Variants in NCALD observed in about 807,000 individuals in gnomAD.
The protein encoded by NCALD is neurocalcin delta, also known as neurocalcin-delta.
NCALD carries 10 observed loss-of-function variants against 18.6 expected under a neutral mutation model. That is an observed-to-expected ratio of 0.54 (90% CI 0.33 to 0.91). NCALD has a LOEUF of 0.91. NCALD is among the 40% of genes least tolerant of loss of function. The pLI is 0.03. For synonymous variants in NCALD, 88 were observed against 87.4 expected, an observed-to-expected ratio of 1.01 and a Z score of -0.04; for missense variants, 184 against 247.6, an observed-to-expected ratio of 0.74 and a Z score of 1.72.
intron 1 of NCALD, among the ~76,000 whole-genome samples, chr8:102,110,110 T>G (rs1467671342): frequency 6.6e-6 from 1 of 152,216 alleles, no homozygotes; most frequent in African/African-American, 2.4e-5. Flanking sequence ...CACCCAGACC[T>G]TTAACACTGG....
intron 4 of NCALD, among the ~76,000 whole-genome samples, chr8:101,830,211 G>A (rs1814117107): frequency 6.6e-6 from 1 of 151,934 alleles, no homozygotes. Context: ...TTGATACTTG[G>A]GTGACATTCA....
chr8:102,026,419 C>T (rs923934886), intron 1 of NCALD, among the ~76,000 whole-genome samples: 2 of 152,148 alleles, frequency 1.3e-5, no homozygotes, highest in African/African-American at 4.8e-5. Context: ...TTGGCCAAAA[C>T]AAAGTGGTTA....
chr8:101,819,970 G>A (rs12544026), intron 4 of NCALD, among the ~76,000 whole-genome samples: 128,863 of 151,956 alleles, frequency 0.85, 55,128 homozygotes, highest in African/African-American at 0.96. Context: ...CTTCCTTTCA[G>A]TGTTTTGTTT....
At chr8:102,082,726 A>T (rs1457724138) in intron 1 of NCALD, among the ~76,000 whole-genome samples, 1 of 152,200 alleles carries the variant, frequency 6.6e-6, no homozygotes, top group Non-Finnish European at 1.5e-5. Context: ...ACAGGAGCGA[A>T]TTTTCAAGAC....
chr8:102,082,213 TGAGAAGC>T (rs1824563194), intron 1 of NCALD, among the ~76,000 whole-genome samples: 6 of 149,708 alleles, frequency 4.0e-5, no homozygotes, highest in Admixed American at 6.7e-5. Context: ...GGCAGTTATT[TGAGAAGC>T]TCTCTCTTTT....
rs368037855 is a variant in NCALD, at chr8:101,801,718, G to C, written c.-19-82070C>G. Among the ~76,000 whole-genome samples the C allele has an allele frequency of 2.2e-4, 28 of 125,532 alleles. No homozygotes were observed. In the East Asian group the frequency reaches 5.5e-3, roughly 25 times the overall value. The allele number at this position is 125,532 out of a possible 152,430, so 82.4% of individuals were successfully genotyped here. On this transcript the variant is annotated intron_variant, in intron 4 of 6. Coordinates refer to the NCALD transcript ENST00000311028. ...ATCTCCCTCTGTCGCCCAGGCTGGA[G>C]TGCAGTGGCACTATCTCGGCTCACT...
intron 2 of NCALD, among the ~76,000 whole-genome samples, chr8:101,921,015 ATTAG>A (rs976877837): frequency 6.6e-6 from 1 of 152,178 alleles, no homozygotes; most frequent in African/African-American, 2.4e-5. Context: ...GAACTGAATG[ATTAG>A]TTAGCCTGCG....
At chr8:101,936,118 G>A (rs947930438) in intron 2 of NCALD, among the ~76,000 whole-genome samples, 3 of 152,090 alleles carry the variant, frequency 2.0e-5, no homozygotes, top group Non-Finnish European at 2.9e-5. Flanking sequence ...GAGTGAGGAG[G>A]GGGTTGGTTT....
chr8:102,068,722 T>TA (rs144101505), intron 1 of NCALD, among the ~76,000 whole-genome samples: 9,251 of 152,296 alleles, frequency 0.061, 414 homozygotes, highest in Non-Finnish European at 0.092. Context: ...TTTCCTCTCT[T>TA]GGGTAACACT....
At position 101,953,222 on chromosome 8, in the gene NCALD, G is replaced by A. The variant is rs547488512; in HGVS notation, c.-156-37364C>T. 1.4e-3 allele frequency among the ~76,000 whole-genome samples: 217 copies of A among 152,292 alleles called. 2 individuals carry two copies. Among genetic ancestry groups the A allele is most frequent in the African/African-American group, 4.9e-3 (203 of 41,570 alleles). ...TCACCCATTTCATCTGTCACCAGAT[G>A]AAGACTAGCCGCTGCTGACGGTGGC... On this transcript the variant is annotated intron_variant, in intron 2 of 6. Transcript: ENST00000311028.
At chr8:102,014,126 C>T (rs1271640093) in intron 2 of NCALD, among the ~76,000 whole-genome samples, 1 of 152,210 alleles carries the variant, frequency 6.6e-6, no homozygotes, top group Non-Finnish European at 1.5e-5. Context: ...TCATGTGAGT[C>T]TCTGTCCATT....
rs182186102 is a variant in NCALD at position 101,920,377 on chromosome 8, T to G, written c.-156-4519A>C. Among the ~76,000 whole-genome samples, 11 of 152,316 alleles carry G rather than the reference T, an allele frequency of 7.2e-5. No homozygotes were observed. The East Asian group carries it at 2.1e-3, about 29-fold the overall frequency. ...TTTACCTAGCAATCCCATTACTGAG[T>G]ATATATTCAAAAGAAAATAAATCAT... On this transcript the variant is annotated intron_variant, in intron 2 of 6. Transcript: ENST00000311028.
chr8:101,869,558 T>C (rs1032568067), intron 4 of NCALD, among the ~76,000 whole-genome samples: 1 of 152,136 alleles, frequency 6.6e-6, no homozygotes, highest in African/African-American at 2.4e-5. Flanking sequence ...TACAGAAAAC[T>C]AATACAGCTT....
chr8:102,000,776 G>A (rs1821426194), intron 2 of NCALD, among the ~76,000 whole-genome samples: 2 of 152,194 alleles, frequency 1.3e-5, no homozygotes, highest in Admixed American at 1.3e-4. Context: ...GGTCTGGAGT[G>A]GACCTCCGGC....
intron 1 of NCALD, among the ~76,000 whole-genome samples, chr8:102,121,002 A>T (rs187272293): frequency 3.3e-4 from 51 of 152,310 alleles, no homozygotes; most frequent in Admixed American, 1.6e-3. Flanking sequence ...GACAGACATC[A>T]CTAGTTGACC....
At chr8:101,792,210 G>T (rs1812473181), upstream of NCALD, among the ~76,000 whole-genome samples, 1 of 152,072 alleles carries the variant, frequency 6.6e-6, no homozygotes, top group Non-Finnish European at 1.5e-5. Flanking sequence ...GTAGCTCTGG[G>T]GTGCTACAAA....
chr8:101,712,049 C>T (rs1467283358), intron 2 of NCALD, among the ~76,000 whole-genome samples: 1 of 152,112 alleles, frequency 6.6e-6, no homozygotes, highest in Non-Finnish European at 1.5e-5. Flanking sequence ...TAAAGGAAGC[C>T]CATCAGACTA....
chr8:102,116,519 G>GTCACCCAGGC (rs2132471367), intron 1 of NCALD, among the ~76,000 whole-genome samples: 1 of 152,248 alleles, frequency 6.6e-6, no homozygotes, highest in African/African-American at 2.4e-5. Flanking sequence ...GTATCGCTCT[G>GTCACCCAGGC]TCACCCAGGC....
intron 1 of NCALD, among the ~76,000 whole-genome samples, chr8:102,096,187 G>A (rs1825091754): frequency 6.6e-6 from 1 of 152,226 alleles, no homozygotes; most frequent in South Asian, 2.1e-4. Context: ...GCAGGCTGAA[G>A]AGCAAAGATC....
Sources: gnomAD v4.1 joint callset for allele counts (sites outside exome capture counted in the v4.1 genomes callset) on GRCh38, gnomAD v4.1.1 for gene constraint, MANE v1.5 for transcripts, NCBI Gene and HGNC (gene_info 2026-07-23, HGNC 2026-07-21) for gene names.